BBOX1: variants seen among roughly 807,000 people sequenced by gnomAD.
BBOX1 encodes gamma-butyrobetaine dioxygenase.
Under a neutral mutation model 41.6 loss-of-function variants are expected in BBOX1, and 35 were observed. The observed-to-expected ratio is 0.84, with a 90% CI of 0.64 to 1.11. The LOEUF (loss-of-function observed/expected upper bound fraction) is 1.11. Among genes scored for constraint, BBOX1 ranks in the 50% most tolerant of loss-of-function variants. The probability of loss-of-function intolerance (pLI) is 0.00; values close to 1 mark genes in which losing one functional copy is unlikely to be tolerated. For missense variants in BBOX1, 458 were observed against 460.6 expected (o/e 0.99, Z 0.05); for synonymous variants, 163 against 154.7 (o/e 1.05, Z -0.40).
chr11:27,098,360 C>T (rs912297689), intron 5 of BBOX1, among the ~76,000 whole-genome samples: 5 of 151,994 alleles, frequency 3.3e-5, no homozygotes, highest in African/African-American at 1.2e-4. Context: ...TAATTATATG[C>T]TCCTCACTCA....
intron 5 of BBOX1, among the ~76,000 whole-genome samples, chr11:27,105,882 G>C (rs956923777): frequency 1.8e-4 from 28 of 152,248 alleles, no homozygotes; most frequent in African/African-American, 6.5e-4. Context: ...ATCAGACTAA[G>C]AGTGGGTCTC....
At chr11:27,090,379 T>C (rs1189104158) in intron 4 of BBOX1, among the ~76,000 whole-genome samples, 1 of 151,822 alleles carries the variant, frequency 6.6e-6, no homozygotes, top group Non-Finnish European at 1.5e-5. Context: ...CCAGCAAGTT[T>C]TTATTAAGGG....
At chr11:27,042,388 TG>T (rs1481602461) in intron 2 of BBOX1, among the ~76,000 whole-genome samples, 1 of 152,230 alleles carries the variant, frequency 6.6e-6, no homozygotes, top group East Asian at 1.9e-4. Flanking sequence ...GGTCTTGCTC[TG>T]TCATCCAGGC....
rs1484333814 is a variant in BBOX1 at position 27,125,699 on chromosome 11, A to C, written c.882A>C (p.Ala294=). The C allele has an allele frequency of 6.2e-7, 1 of 1,607,176 alleles. No individual in the cohort carries two copies. The highest frequency in any genetic ancestry group is 1.3e-5 in the African/African-American group (1 of 74,788). Residue 294 remains alanine (A), a synonymous_variant, in exon 8 of 9, where the codon GCA becomes GCC. Coordinates refer to ENST00000263182, the MANE Select transcript of BBOX1 (RefSeq NM_003986.3). ...TGGTTCGCATCAACTTCAATAACGCAACTAGGGACACAATATTTGATGTGC... is the reference window on the plus strand; with the variant it reads ...TGGTTCGCATCAACTTCAATAACGCCACTAGGGACACAATATTTGATGTGC... ...GQVVRINFNN[A]TRDTIFDVPV...
At chr11:27,084,952 T>C (rs1255733472) in intron 4 of BBOX1, among the ~76,000 whole-genome samples, 1 of 152,190 alleles carries the variant, frequency 6.6e-6, no homozygotes, top group African/African-American at 2.4e-5. Flanking sequence ...AAATATTCCA[T>C]CATTTTTCGT....
At chr11:27,114,353 A>G (rs1859183562) in intron 5 of BBOX1, among the ~76,000 whole-genome samples, 1 of 151,946 alleles carries the variant, frequency 6.6e-6, no homozygotes, top group Non-Finnish European at 1.5e-5. Flanking sequence ...ATCCCTACCA[A>G]TATTTCAGTA....
intron 2 of BBOX1, among the ~76,000 whole-genome samples, chr11:27,048,218 T>C (rs1340766748): frequency 1.3e-5 from 2 of 152,140 alleles, no homozygotes; most frequent in African/African-American, 4.8e-5. Context: ...AGAATTTATT[T>C]ATCCTGAATA....
chr11:27,100,368 C>T (rs755882294), intron 5 of BBOX1, among the ~76,000 whole-genome samples: 3 of 152,076 alleles, frequency 2.0e-5, no homozygotes, highest in Non-Finnish European at 4.4e-5. Context: ...ATAAAAATGT[C>T]TTCTGGGTTA....
intron 4 of BBOX1, among the ~76,000 whole-genome samples, chr11:27,067,786 T>TA (rs2133985814): frequency 6.6e-6 from 1 of 152,030 alleles, no homozygotes; most frequent in East Asian, 1.9e-4. Flanking sequence ...TAAAAATTTT[T>TA]AAAAAACATA....
chr11:27,041,173 C>T (rs1002530448), intron 1 of BBOX1, 43 bp from the exon 2 acceptor site: 3 of 123,216 alleles, frequency 2.4e-5, no homozygotes, highest in African/African-American at 9.1e-5. Flanking sequence ...GCCATAAAGC[C>T]TCTTTTCTTT....
chr11:27,115,410 T>C, intron 5 of BBOX1, 42 bp from the exon 6 acceptor site: 1 of 1,507,450 alleles, frequency 6.6e-7, no homozygotes, highest in Middle Eastern at 1.7e-4. Context: ...TCCTCTGGCT[T>C]AGTGACAACC....
At chr11:27,066,222 TTTTTG>T (rs370720020) in intron 4 of BBOX1, among the ~76,000 whole-genome samples, 2,013 of 152,108 alleles carry the variant, frequency 0.013, 48 homozygotes, top group African/African-American at 0.046. Context: ...GGTTTTTTGG[TTTTTG>T]TTTTGTTTTG....
At chr11:27,120,212 G>T (rs1214291375) in intron 7 of BBOX1, among the ~76,000 whole-genome samples, 1 of 152,032 alleles carries the variant, frequency 6.6e-6, no homozygotes, top group Non-Finnish European at 1.5e-5. Context: ...TGTGATATTG[G>T]TCTCTTTTTT....
At position 27,111,952 on chromosome 11, in the gene BBOX1, T is replaced by C. The variant is rs1438512062; in HGVS notation, c.534-3500T>C. Among the ~76,000 whole-genome samples, 4 of 151,472 alleles carry C rather than the reference T, an allele frequency of 2.6e-5. No individual in the cohort carries two copies. The East Asian group carries it at 7.8e-4, about 29-fold the overall frequency. On this transcript the variant is annotated intron_variant, in intron 5 of 8. Coordinates refer to ENST00000263182, the MANE Select transcript of BBOX1 (RefSeq NM_003986.3). ...TGGATATAGCCATTGAACATGAACATGTACAAACATCAAAAAAGAAAGACA... is the reference window on the plus strand; with the variant it reads ...TGGATATAGCCATTGAACATGAACACGTACAAACATCAAAAAAGAAAGACA...
intron 2 of BBOX1, among the ~76,000 whole-genome samples, chr11:27,053,627 T>A (rs1395225280): frequency 6.6e-6 from 1 of 152,196 alleles, no homozygotes; most frequent in African/African-American, 2.4e-5. Context: ...ATCTTTGTCT[T>A]TTGAAACAAT....
intron 2 of BBOX1, among the ~76,000 whole-genome samples, chr11:27,041,788 G>A (rs912882129): frequency 6.6e-6 from 1 of 152,126 alleles, no homozygotes; most frequent in Non-Finnish European, 1.5e-5. Context: ...TCCCTAAGCT[G>A]ATCCAGAAAG....
intron 5 of BBOX1, among the ~76,000 whole-genome samples, chr11:27,103,042 T>C (rs1247189515): frequency 6.6e-6 from 1 of 151,840 alleles, no homozygotes; most frequent in African/African-American, 2.4e-5. Context: ...TACAAAAAAA[T>C]AGCTGAGCCT....
chr11:27,112,852 C>A (rs1231540646), intron 5 of BBOX1, among the ~76,000 whole-genome samples: 11 of 151,918 alleles, frequency 7.2e-5, no homozygotes, highest in Admixed American at 5.9e-4. Context: ...AAGAAACTAA[C>A]AACAAAGTGA....
Position 27,057,063 on chromosome 11 carries a change from T to TAAAAAAAAAAAAAAAAAAAAAAAAAAA in BBOX1, c.220-138_220-137insAAAAAAAAAAAAAAAAAAAAAAAAAAA, listed in dbSNP as rs1459422645. On this transcript the variant is annotated intron_variant, in intron 3 of 8. Coordinates refer to ENST00000263182, the MANE Select transcript of BBOX1 (RefSeq NM_003986.3). ...CCTGGCAACAGAGGAAGACTCCGAC[T>TAAAAAAAAAAAAAAAAAAAAAAAAAAA]TAAAAAAAAAAAAAAAAAAAAATTA... 1.3e-3 allele frequency: 192 copies of TAAAAAAAAAAAAAAAAAAAAAAAAAAA among 149,814 alleles called. 75 individuals are homozygous for TAAAAAAAAAAAAAAAAAAAAAAAAAAA. The highest frequency in any genetic ancestry group is 2.1e-3 in the Admixed American group (11 of 5,314). The allele number at this position is 149,814 out of a possible 1,614,324, so 9.3% of individuals were successfully genotyped here.
Sources: gnomAD v4.1 joint callset for allele counts (sites outside exome capture counted in the v4.1 genomes callset) on GRCh38, gnomAD v4.1.1 for gene constraint, MANE v1.5 for transcripts, NCBI Gene and HGNC (gene_info 2026-07-23, HGNC 2026-07-21) for gene names.